Variants in TTC39B observed in about 807,000 individuals in gnomAD.
The protein encoded by TTC39B is tetratricopeptide repeat domain 39B.
A neutral mutation model predicts 96.6 loss-of-function variants in TTC39B; 92 were observed. The observed-to-expected ratio is 0.95, with a 90% CI of 0.80 to 1.13. TTC39B has a LOEUF of 1.13. Ranked by LOEUF, TTC39B falls within the 50% of genes most tolerant of loss-of-function variation. The probability of loss-of-function intolerance (pLI) is 0.00; values close to 1 mark genes in which losing one functional copy is unlikely to be tolerated. For missense variants in TTC39B, 955 were observed against 809.3 expected (o/e 1.18, Z -2.18); for synonymous variants, 367 against 299.4 (o/e 1.23, Z -2.33).
chr9:15,239,923 A>T (rs1821964799), intron 2 of TTC39B, among the ~76,000 whole-genome samples: 1 of 152,214 alleles, frequency 6.6e-6, no homozygotes, highest in Non-Finnish European at 1.5e-5. Context: ...AAAATAAAAA[A>T]TGGTATCCAC....
intron 1 of TTC39B, among the ~76,000 whole-genome samples, chr9:15,296,080 T>G (rs557785997): frequency 3.9e-5 from 6 of 152,200 alleles, no homozygotes; most frequent in Non-Finnish European, 8.8e-5. Context: ...GGACTGTGAC[T>G]CATGGTTGTC....
intron 17 of TTC39B, among the ~76,000 whole-genome samples, chr9:15,180,915 T>G (rs1481685964): frequency 6.6e-6 from 1 of 152,098 alleles, no homozygotes; most frequent in African/African-American, 2.4e-5. Context: ...AAGCCAAAAC[T>G]GTAGGTAAGT....
chr9:15,297,929 G>A (rs1240386135), intron 1 of TTC39B, among the ~76,000 whole-genome samples: 1 of 152,152 alleles, frequency 6.6e-6, no homozygotes, highest in Admixed American at 6.5e-5. Context: ...GAGAGAACAG[G>A]TAAAGATTTT....
intron 8 of TTC39B, among the ~76,000 whole-genome samples, chr9:15,194,452 CGTGT>C (rs1819035851): frequency 6.6e-6 from 1 of 151,996 alleles, no homozygotes; most frequent in African/African-American, 2.4e-5. Flanking sequence ...TAAGTATGTG[CGTGT>C]GTGTGTAAGT....
intron 2 of TTC39B, among the ~76,000 whole-genome samples, chr9:15,241,291 G>T (rs1822027669): frequency 1.3e-5 from 2 of 148,274 alleles, no homozygotes; most frequent in Admixed American, 1.3e-4. Flanking sequence ...GAGAATGCAA[G>T]GTTAAAAAAA....
At chr9:15,253,797 A>G (rs757628422) in intron 2 of TTC39B, among the ~76,000 whole-genome samples, 3 of 151,942 alleles carry the variant, frequency 2.0e-5, no homozygotes, top group East Asian at 1.9e-4. Flanking sequence ...CTTTTTTCCT[A>G]TTGGTGCCAT....
At chr9:15,286,804 T>C (rs1335436751) in intron 1 of TTC39B, among the ~76,000 whole-genome samples, 1 of 152,222 alleles carries the variant, frequency 6.6e-6, no homozygotes, top group Non-Finnish European at 1.5e-5. Flanking sequence ...TAGTTATTTC[T>C]TTATCATCCA....
At chr9:15,219,427 A>T (rs189643346) in intron 3 of TTC39B, among the ~76,000 whole-genome samples, 37 of 152,316 alleles carry the variant, frequency 2.4e-4, no homozygotes, top group Admixed American at 7.8e-4. Context: ...TACTATTAAT[A>T]TATCTGATTC....
At chr9:15,235,020 G>T (rs1289599145) in intron 2 of TTC39B, among the ~76,000 whole-genome samples, 12 of 55,424 alleles carry the variant, frequency 2.2e-4, no homozygotes, top group Admixed American at 1.5e-3. Context: ...ACCCAAGAAT[G>T]ATCAATAAAT....
intron 2 of TTC39B, among the ~76,000 whole-genome samples, chr9:15,236,376 G>A (rs1821782061): frequency 6.6e-6 from 1 of 152,140 alleles, no homozygotes; most frequent in Admixed American, 6.5e-5. Context: ...TTATAGTGAG[G>A]GACTTCAACA....
chr9:15,284,992 TG>T (rs1823904362), intron 1 of TTC39B, among the ~76,000 whole-genome samples: 1 of 152,194 alleles, frequency 6.6e-6, no homozygotes, highest in Non-Finnish European at 1.5e-5. Context: ...CCGAGCTCGG[TG>T]GCTCACACCT....
At chr9:15,196,414 G>A (rs916236279) in intron 8 of TTC39B, among the ~76,000 whole-genome samples, 1 of 152,224 alleles carries the variant, frequency 6.6e-6, no homozygotes, top group Non-Finnish European at 1.5e-5. Flanking sequence ...GTGATTCATG[G>A]AAGGAAGTCA....
chr9:15,191,795 A>T (rs1818872034), intron 9 of TTC39B, among the ~76,000 whole-genome samples: 1 of 152,222 alleles, frequency 6.6e-6, no homozygotes, highest in African/African-American at 2.4e-5. Context: ...ATGCTGATTC[A>T]GGGGATGTAG....
At chr9:15,234,412 G>A (rs1219673647) in intron 2 of TTC39B, among the ~76,000 whole-genome samples, 3 of 144,638 alleles carry the variant, frequency 2.1e-5, no homozygotes, top group African/African-American at 7.5e-5. Flanking sequence ...AGGTGGGGGG[G>A]TCAGCCCCCC....
At chr9:15,188,197 A>T (rs1588864634) in intron 13 of TTC39B, 65 bp from the exon 14 acceptor site, 2 of 1,475,672 alleles carry the variant, frequency 1.4e-6, no homozygotes, top group East Asian at 4.7e-5. Context: ...ACCTAATGGA[A>T]AAATACATAA....
chr9:15,166,441 C>T (rs1817518522), exon 20 of TTC39B: 1 of 152,210 alleles, frequency 6.6e-6, no homozygotes, highest in African/African-American at 2.4e-5. Flanking sequence ...CCATCTCAGT[C>T]CACTAAACAG....
rs1041761582 is a variant in TTC39B, at chr9:15,211,203, A to G, written c.614+63T>C. On this transcript the variant is annotated intron_variant, in intron 5 of 19. Transcript: ENST00000512701. The stretch of plus-strand genomic sequence containing the variant: ...AGCTTTTGGTCAGGCAAATGACATT[A>G]TTTTTGTCACACAGGCATAAAAGTT... The G allele has an allele frequency of 5.0e-6, 7 of 1,390,964 alleles. No individual in the cohort carries two copies. In the Admixed American group the frequency reaches 1.7e-4, roughly 34 times the overall value. 86.2% of individuals were successfully genotyped at this position (1,390,964 alleles called of 1,614,324 possible).
At chr9:15,300,328 T>C (rs971241067) in intron 1 of TTC39B, among the ~76,000 whole-genome samples, 2 of 151,922 alleles carry the variant, frequency 1.3e-5, no homozygotes, top group East Asian at 3.9e-4. Flanking sequence ...ACTCAATGGC[T>C]CCTCCCTCAC....
rs762721216 is a variant in TTC39B, at chr9:15,192,584, C to T, written c.930+6G>A. The T allele has an allele frequency of 7.5e-6, 12 of 1,610,268 alleles. No homozygotes were observed. The highest frequency in any genetic ancestry group is 4.4e-5 in the South Asian group (4 of 90,934). Reference sequence around the variant, plus strand: ...AGTTCTGGTTTCTATACAGTGATTTCCTTACCAAATTAAAGGCCCCACTGC... The same window carrying T: ...AGTTCTGGTTTCTATACAGTGATTTTCTTACCAAATTAAAGGCCCCACTGC... On this transcript the variant is annotated splice_donor_region_variant and intron_variant, in intron 9 of 19. Coordinates refer to ENST00000512701, the Ensembl canonical transcript of TTC39B.
Sources: gnomAD v4.1 joint callset for allele counts (sites outside exome capture counted in the v4.1 genomes callset) on GRCh38, gnomAD v4.1.1 for gene constraint, MANE v1.5 for transcripts, NCBI Gene and HGNC (gene_info 2026-07-23, HGNC 2026-07-21) for gene names.